The following GRID2 variants were observed in gnomAD, a reference collection of about 807,000 sequenced individuals.
GRID2 encodes glutamate receptor ionotropic, delta-2.
GRID2 carries 33 observed loss-of-function variants against 114.8 expected under a neutral mutation model. The ratio of observed to expected loss-of-function variants is 0.29; its 90% CI spans 0.22 to 0.38. The LOEUF (loss-of-function observed/expected upper bound fraction) is 0.38, where lower values mean the gene tolerates loss of function less well. Among genes scored for constraint, GRID2 ranks in the 10% least tolerant of loss-of-function variants. The pLI is 1.00. For synonymous variants in GRID2, 505 were observed against 449.9 expected (o/e 1.12, Z -1.55); for missense variants, 1,184 against 1,257.7 (o/e 0.94, Z 0.89).
intron 2 of GRID2, among the ~76,000 whole-genome samples, chr4:92,977,987 G>C (rs1264618775): frequency 6.6e-6 from 1 of 152,110 alleles, no homozygotes; most frequent in Non-Finnish European, 1.5e-5. Flanking sequence ...GGGAAATCTT[G>C]CACAAGTTAT....
At chr4:93,158,504 ACT>A (rs1208962873) in intron 4 of GRID2, among the ~76,000 whole-genome samples, 1 of 151,244 alleles carries the variant, frequency 6.6e-6, no homozygotes, top group Non-Finnish European at 1.5e-5. Flanking sequence ...GTTTTTTAAA[ACT>A]CTCAATTTCT....
chr4:92,767,170 T>C (rs1487335111), intron 2 of GRID2, among the ~76,000 whole-genome samples: 1 of 152,210 alleles, frequency 6.6e-6, no homozygotes, highest in Non-Finnish European at 1.5e-5. Context: ...GTAGACATAG[T>C]CATGGAAAGC....
chr4:93,091,656 G>C (rs1393832757), intron 3 of GRID2, among the ~76,000 whole-genome samples: 1 of 151,952 alleles, frequency 6.6e-6, no homozygotes, highest in Non-Finnish European at 1.5e-5. Context: ...TTTGCACATA[G>C]ACTTTTTATA....
chr4:92,945,843 G>A (rs1056968113), intron 2 of GRID2, among the ~76,000 whole-genome samples: 1 of 151,750 alleles, frequency 6.6e-6, no homozygotes, highest in Non-Finnish European at 1.5e-5. Context: ...TTTCAGGTCT[G>A]CCTCCCAACC....
At chr4:92,634,423 A>G (rs757272112) in intron 2 of GRID2, among the ~76,000 whole-genome samples, 3 of 152,124 alleles carry the variant, frequency 2.0e-5, no homozygotes, top group Non-Finnish European at 4.4e-5. Context: ...TTAACACTCA[A>G]GGTTATTGGC....
intron 2 of GRID2, among the ~76,000 whole-genome samples, chr4:93,028,627 A>C (rs923247222): frequency 1.2e-4 from 19 of 152,092 alleles, no homozygotes; most frequent in Admixed American, 1.0e-3. Flanking sequence ...ATGTGTATAC[A>C]ATTTTTCCAT....
intron 2 of GRID2, among the ~76,000 whole-genome samples, chr4:92,941,141 T>C (rs921440161): frequency 6.6e-6 from 1 of 152,204 alleles, no homozygotes; most frequent in Admixed American, 6.5e-5. Flanking sequence ...TCAGAAGGAA[T>C]GGTACCAGCT....
At chr4:93,079,696 G>A (rs1443526823) in intron 2 of GRID2, among the ~76,000 whole-genome samples, 1 of 151,960 alleles carries the variant, frequency 6.6e-6, no homozygotes, top group East Asian at 1.9e-4. Context: ...GTTGTTATGA[G>A]ATATAAATTG....
chr4:93,304,640 T>A (rs542698147), intron 8 of GRID2, among the ~76,000 whole-genome samples: 1 of 152,286 alleles, frequency 6.6e-6, no homozygotes, highest in East Asian at 1.9e-4. Context: ...AAGAGGCCCT[T>A]TTTATTAAAC....
At chr4:93,042,401 T>C (rs1725649005) in intron 2 of GRID2, among the ~76,000 whole-genome samples, 1 of 148,030 alleles carries the variant, frequency 6.8e-6, no homozygotes, top group East Asian at 2.0e-4. Flanking sequence ...TATATATACA[T>C]ACATACATAT....
Position 93,626,234 on chromosome 4 carries a change from C to T in GRID2, c.2194-35C>T, listed in dbSNP as rs555949596. ...TGTAAATTAAAATTCCAACTTTAAA[C>T]CCTATTTCTTCTTTTGTTCTTCATT... is the stretch of plus-strand genomic sequence containing the variant. On this transcript the variant is annotated intron_variant, in intron 13 of 15. Coordinates refer to ENST00000282020, the MANE Select transcript of GRID2 (RefSeq NM_001510.4). The T allele has an allele frequency of 6.3e-5, 79 of 1,256,736 alleles. 2 individuals are homozygous for T. In the South Asian group the frequency reaches 8.1e-4, roughly 13 times the overall value. 77.8% of individuals were successfully genotyped at this position (1,256,736 alleles called of 1,614,324 possible). A position where few individuals can be genotyped will look rare whatever the true frequency, so the allele number is the denominator to read the frequency against.
In GRID2 at chr4:93,223,342, A is replaced by G. The variant is rs148781113; in HGVS notation, c.964-1272A>G. ...GTCTCTTCAAAAAAGGCCTACAAGT[A>G]TTATACATATAAAATGATATTTAAC... On this transcript the variant is annotated intron_variant, in intron 6 of 15. Transcript: ENST00000282020. Among the ~76,000 whole-genome samples the G allele has an allele frequency of 5.0e-3, 754 of 152,288 alleles. 7 individuals are homozygous for G. Among genetic ancestry groups the G allele is most frequent in the African/African-American group, 0.017 (726 of 41,566 alleles).
intron 1 of GRID2, among the ~76,000 whole-genome samples, chr4:92,380,577 C>T (rs753540542): frequency 2.6e-5 from 4 of 151,812 alleles, no homozygotes; most frequent in African/African-American, 7.3e-5. Flanking sequence ...CATATATATT[C>T]GTTAGCTGCC....
Position 92,566,898 on chromosome 4 carries a change from A to G in GRID2, c.89-23233A>G, listed in dbSNP as rs545126567. 5.0e-4 allele frequency among the ~76,000 whole-genome samples: 76 copies of G among 152,142 alleles called. 1 individual carries two copies. Among genetic ancestry groups the G allele is most frequent in the Middle Eastern group, 3.4e-3 (1 of 294 alleles). ...GGTTAGGTAGGAAAGCTTACTATTAAAAGTTTTTGAATCTTATATCCCCGT... is the reference window on the plus strand; with the variant it reads ...GGTTAGGTAGGAAAGCTTACTATTAGAAGTTTTTGAATCTTATATCCCCGT... On this transcript the variant is annotated intron_variant, in intron 1 of 15. Transcript: ENST00000282020.
At chr4:92,883,365 T>G (rs1746150202) in intron 2 of GRID2, among the ~76,000 whole-genome samples, 1 of 152,186 alleles carries the variant, frequency 6.6e-6, no homozygotes, top group Admixed American at 6.5e-5. Flanking sequence ...ACTGAAGTCT[T>G]GAACTTCTCA....
chr4:93,690,323 GAGA>G (rs1164072309), intron 14 of GRID2, among the ~76,000 whole-genome samples: 5 of 151,978 alleles, frequency 3.3e-5, no homozygotes, highest in Admixed American at 2.0e-4. Context: ...AGGGGCTTCT[GAGA>G]AGAAGTACTG....
chr4:93,478,636 T>C (rs1725560331), intron 11 of GRID2, among the ~76,000 whole-genome samples: 1 of 151,654 alleles, frequency 6.6e-6, no homozygotes, highest in Admixed American at 6.6e-5. Flanking sequence ...AAATTAACAT[T>C]ATGTTAATGT....
At chr4:93,458,370 G>C (rs757106463) in intron 11 of GRID2, among the ~76,000 whole-genome samples, 1 of 152,124 alleles carries the variant, frequency 6.6e-6, no homozygotes, top group African/African-American at 2.4e-5. Context: ...TCATCCAAAG[G>C]CTTGTTCATT....
chr4:93,756,546 G>A (rs535404683), intron 14 of GRID2, among the ~76,000 whole-genome samples: 6 of 152,120 alleles, frequency 3.9e-5, no homozygotes, highest in Non-Finnish European at 8.8e-5. Flanking sequence ...CTCACAGGAC[G>A]TCTTCTTCAT....
Sources: gnomAD v4.1 joint callset for allele counts (sites outside exome capture counted in the v4.1 genomes callset) on GRCh38, gnomAD v4.1.1 for gene constraint, MANE v1.5 for transcripts, NCBI Gene and HGNC (gene_info 2026-07-23, HGNC 2026-07-21) for gene names.